The following PPP1R7 variants were observed in gnomAD, a reference collection of about 807,000 sequenced individuals.
PPP1R7 encodes the protein protein phosphatase 1 regulatory subunit 22.
Under a neutral mutation model 45.2 loss-of-function variants are expected in PPP1R7, and 18 were observed. The observed-to-expected ratio is 0.40, with a 90% CI of 0.28 to 0.59. The LOEUF is 0.59. Among genes scored for constraint, PPP1R7 ranks in the 20% least tolerant of loss-of-function variants. The probability of loss-of-function intolerance (pLI) is 0.46; values close to 1 mark genes in which losing one functional copy is unlikely to be tolerated. For synonymous variants in PPP1R7, 181 were observed against 183.4 expected, an observed-to-expected ratio of 0.99 and a Z score of 0.11; for missense variants, 314 against 455.8, an observed-to-expected ratio of 0.69 and a Z score of 2.83.
chr2:241,163,108 G>A (rs1292943688), intron 6 of PPP1R7, among the ~76,000 whole-genome samples, 177 bp from the exon 7 acceptor site: 2 of 152,084 alleles, frequency 1.3e-5, no homozygotes, highest in Non-Finnish European at 2.9e-5. Flanking sequence ...TCTTGGACTC[G>A]CCACTATTGT....
chr2:241,159,430 G>A, intron 5 of PPP1R7, 87 bp downstream of exon 5: 2 of 1,522,610 alleles, frequency 1.3e-6, no homozygotes, highest in South Asian at 1.2e-5. Context: ...CCTCCTGCTG[G>A]CTCTTAGCCC....
chr2:241,150,130 G>C (rs1001016014), upstream of PPP1R7: 3 of 1,266,280 alleles, frequency 2.4e-6, no homozygotes, highest in African/African-American at 3.1e-5. Flanking sequence ...CGCCTCCGAG[G>C]TCGAGACAGT....
At chr2:241,152,970 G>A (rs2067358179) in intron 1 of PPP1R7, among the ~76,000 whole-genome samples, 1 of 152,168 alleles carries the variant, frequency 6.6e-6, no homozygotes, top group Non-Finnish European at 1.5e-5. Context: ...CTTTTCCTTA[G>A]TGATCCTCCC....
chr2:241,177,431 A>C (rs1424671038), intron 9 of PPP1R7, among the ~76,000 whole-genome samples: 2 of 151,676 alleles, frequency 1.3e-5, no homozygotes, highest in African/African-American at 4.8e-5. Flanking sequence ...AAAAAAAATC[A>C]TAGAGAGCTT....
chr2:241,151,927 C>T (rs935897153), intron 1 of PPP1R7, among the ~76,000 whole-genome samples: 4 of 152,352 alleles, frequency 2.6e-5, no homozygotes, highest in African/African-American at 9.6e-5. Context: ...TTCTTACATG[C>T]AGAGCCACTG....
intron 1 of PPP1R7, 74 bp from the exon 2 acceptor site, chr2:241,153,402 A>T: frequency 6.4e-7 from 1 of 1,572,240 alleles, no homozygotes; most frequent in Non-Finnish European, 8.7e-7. Context: ...TTGACTTACA[A>T]CCGGGTGTTT....
At chr2:241,157,660 C>A in intron 2 of PPP1R7, 147 bp from the exon 3 acceptor site, 1 of 690,666 alleles carries the variant, frequency 1.4e-6, no homozygotes. Context: ...TTCTCCAGGT[C>A]CTCAGCAAAC....
intron 2 of PPP1R7, among the ~76,000 whole-genome samples, chr2:241,154,265 A>G (rs2125480228): frequency 6.6e-6 from 1 of 152,130 alleles, no homozygotes; most frequent in South Asian, 2.1e-4. Flanking sequence ...ATGAGATTCG[A>G]AATAAATGTT....
At chr2:241,172,924 G>T (rs908451287) in intron 9 of PPP1R7, among the ~76,000 whole-genome samples, 1 of 151,118 alleles carries the variant, frequency 6.6e-6, no homozygotes, top group Non-Finnish European at 1.5e-5. Context: ...TAAATACTTT[G>T]TTCTTTCATC....
At chr2:241,168,495 C>T (rs138767287) in intron 8 of PPP1R7, among the ~76,000 whole-genome samples, 55 of 152,316 alleles carry the variant, frequency 3.6e-4, no homozygotes, top group African/African-American at 1.3e-3. Flanking sequence ...GGCGGTGTGT[C>T]GTTGGATTAC....
At chr2:241,160,646 A>C (rs1239711068) in intron 6 of PPP1R7, 152 bp downstream of exon 6, 5 of 782,160 alleles carry the variant, frequency 6.4e-6, no homozygotes, top group Non-Finnish European at 9.6e-6. Flanking sequence ...CTATTTTTTT[A>C]AGAAAAAATG....
chr2:241,175,881 C>T (rs541426633), intron 9 of PPP1R7, among the ~76,000 whole-genome samples: 194 of 152,298 alleles, frequency 1.3e-3, no homozygotes, highest in Non-Finnish European at 1.5e-3. Context: ...CAGGTTCAAA[C>T]GATTCTCCTG....
Position 241,150,557 on chromosome 2 carries a change from C to G in PPP1R7, c.52+10C>G. On this transcript the variant is annotated intron_variant, in intron 1 of 9. Transcript: ENST00000234038. Reference sequence around the variant, plus strand: ...CAGGAGATGATGGAGGGTGAGCGGCCCCTGCGGGCGGCGGCCCAAGGGCCC... The same window carrying G: ...CAGGAGATGATGGAGGGTGAGCGGCGCCTGCGGGCGGCGGCCCAAGGGCCC... 1 of 1,588,660 alleles carries G rather than the reference C, an allele frequency of 6.3e-7. No homozygotes were observed.
intron 2 of PPP1R7, among the ~76,000 whole-genome samples, chr2:241,154,225 A>G (rs959707876): frequency 3.3e-5 from 5 of 151,616 alleles, no homozygotes; most frequent in Non-Finnish European, 4.4e-5. Context: ...AAGAACCGCA[A>G]TATTGTTATA....
intron 9 of PPP1R7, among the ~76,000 whole-genome samples, chr2:241,174,083 T>G (rs1452908772): frequency 6.6e-6 from 1 of 152,212 alleles, no homozygotes; most frequent in African/African-American, 2.4e-5. Context: ...CATACTGAAC[T>G]TTATCTGACA....
At position 241,182,928 on chromosome 2, in the gene PPP1R7, C is replaced by A. The variant is rs2068030045; in HGVS notation, c.*105C>A. ...GAGGTCGTCACTATATCAACAGTCA[C>A]AAACCCAATGGCAATAAAGGCACTG... On this transcript the variant is annotated 3_prime_UTR_variant, in exon 10 of 10. Transcript: ENST00000234038. The A allele has an allele frequency of 1.5e-6, 2 of 1,321,474 alleles. No individual in the cohort carries two copies. The highest frequency in any genetic ancestry group is 1.4e-5 in the South Asian group (1 of 70,580). The allele number at this position is 1,321,474 out of a possible 1,614,324, so 81.9% of individuals were successfully genotyped here. A position where few individuals can be genotyped will look rare whatever the true frequency, so the allele number is the denominator to read the frequency against.
chr2:241,183,478 G>C lies in PPP1R7; in HGVS notation c.*655G>C, dbSNP rs1209793244. 2.1e-6 allele frequency: 1 copy of C among 471,050 alleles called. No homozygotes were observed. The highest frequency in any genetic ancestry group is 2.4e-5 in the Admixed American group (1 of 42,552). 29.2% of individuals were successfully genotyped at this position (471,050 alleles called of 1,614,324 possible). On this transcript the variant is annotated 3_prime_UTR_variant, in exon 10 of 10. Coordinates refer to ENST00000234038, the MANE Select transcript of PPP1R7 (RefSeq NM_002712.3). The stretch of plus-strand genomic sequence containing the variant: ...CCTGTGGGTGAAAGCTCAGGTGTGG[G>C]GAGGGTGTCCTGTGTCCCACACGGT...
At chr2:241,159,831 G>A (rs1400411078) in intron 5 of PPP1R7, among the ~76,000 whole-genome samples, 1 of 152,094 alleles carries the variant, frequency 6.6e-6, no homozygotes, top group Non-Finnish European at 1.5e-5. Flanking sequence ...AGAAGTTCGA[G>A]ATAGCCTGGG....
upstream of PPP1R7, chr2:241,149,887 CG>C: frequency 6.9e-7 from 1 of 1,442,844 alleles, no homozygotes; most frequent in South Asian, 1.5e-5. Flanking sequence ...AGCTGGCTAG[CG>C]GCCCCACCAG....
Sources: allele counts gnomAD v4.1 joint callset (sites outside exome capture counted in the v4.1 genomes callset), GRCh38; gene constraint gnomAD v4.1.1; transcripts MANE v1.5; gene names NCBI Gene and HGNC (gene_info 2026-07-23, HGNC 2026-07-21).